The following ME1 variants were observed in gnomAD, a reference collection of about 807,000 sequenced individuals.
ME1 encodes the protein NADP-dependent malic enzyme.
Under a neutral mutation model 66.4 loss-of-function variants are expected in ME1, and 74 were observed. The observed-to-expected ratio is 1.11, with a 90% CI of 0.92 to 1.35. ME1 has a LOEUF of 1.35. ME1 is among the 40% of genes most tolerant of loss of function. ME1 has a pLI of 0.00. For synonymous variants in ME1, 251 were observed against 235.6 expected (o/e 1.07, Z -0.60); for missense variants, 750 against 694.1 (o/e 1.08, Z -0.90).
intron 7 of ME1, among the ~76,000 whole-genome samples, chr6:83,247,155 T>C (rs1217322465): frequency 1.3e-5 from 2 of 152,142 alleles, no homozygotes; most frequent in African/African-American, 2.4e-5. Flanking sequence ...TGGCAAAAAT[T>C]TCTATGTGCA....
intron 3 of ME1, among the ~76,000 whole-genome samples, chr6:83,368,605 T>C (rs542145086): frequency 1.2e-4 from 19 of 152,272 alleles, no homozygotes; most frequent in African/African-American, 4.6e-4. Flanking sequence ...TGTTATCATA[T>C]AATAAATTAA....
intron 2 of ME1, 140 bp downstream of exon 2, chr6:83,407,628 C>G: frequency 1.2e-6 from 1 of 837,176 alleles, no homozygotes; most frequent in South Asian, 2.3e-5. Context: ...TTAAAAACAT[C>G]ATTGTGTTTA....
chr6:83,384,221 G>A (rs1017047477), intron 3 of ME1, among the ~76,000 whole-genome samples: 5 of 151,872 alleles, frequency 3.3e-5, no homozygotes, highest in African/African-American at 1.2e-4. Context: ...TGGTAGTTCA[G>A]TTTTCAGTTA....
chr6:83,423,545 T>C (rs1770311834), intron 1 of ME1, among the ~76,000 whole-genome samples: 2 of 152,120 alleles, frequency 1.3e-5, no homozygotes, highest in South Asian at 4.1e-4. Flanking sequence ...AAATCTGTAA[T>C]CCCAGCACTT....
intron 5 of ME1, among the ~76,000 whole-genome samples, chr6:83,327,411 T>C (rs1768317064): frequency 6.6e-6 from 1 of 152,198 alleles, no homozygotes; most frequent in Non-Finnish European, 1.5e-5. Context: ...CAGCATGGAA[T>C]ATCCCTGAGA....
At chr6:83,359,944 G>A (rs1768976984) in intron 3 of ME1, among the ~76,000 whole-genome samples, 1 of 152,214 alleles carries the variant, frequency 6.6e-6, no homozygotes, top group Non-Finnish European at 1.5e-5. Flanking sequence ...GGTGGGTGGA[G>A]CTACCGTAAT....
chr6:83,299,626 T>C (rs189644842), intron 6 of ME1, among the ~76,000 whole-genome samples: 3 of 152,322 alleles, frequency 2.0e-5, no homozygotes, highest in Admixed American at 2.0e-4. Context: ...GGCCAGAACT[T>C]TCAATACTAA....
intron 5 of ME1, among the ~76,000 whole-genome samples, chr6:83,345,151 C>G (rs1326303041): frequency 1.3e-5 from 2 of 152,078 alleles, no homozygotes; most frequent in African/African-American, 4.8e-5. Flanking sequence ...AGGTACACAC[C>G]ACCTCTCCTG....
chr6:83,239,684 C>A (rs758100516), intron 7 of ME1, 48 bp from the exon 8 acceptor site: 1 of 1,331,166 alleles, frequency 7.5e-7, no homozygotes, highest in Non-Finnish European at 1.1e-6. Flanking sequence ...ACAGATCCTG[C>A]CAATTTTCAA....
At chr6:83,284,001 AG>A (rs1162705733) in intron 6 of ME1, among the ~76,000 whole-genome samples, 16 of 152,206 alleles carry the variant, frequency 1.1e-4, no homozygotes, top group African/African-American at 2.7e-4. Context: ...TAGATTAACA[AG>A]GAAAAAGCAA....
At chr6:83,332,424 G>T (rs1219232599) in intron 5 of ME1, among the ~76,000 whole-genome samples, 2 of 152,114 alleles carry the variant, frequency 1.3e-5, no homozygotes, top group South Asian at 2.1e-4. Context: ...CAAAGGAAAA[G>T]AAGCCATTAT....
intron 9 of ME1, among the ~76,000 whole-genome samples, chr6:83,233,215 T>C (rs1790335896): frequency 6.6e-6 from 1 of 152,142 alleles, no homozygotes; most frequent in Non-Finnish European, 1.5e-5. Context: ...CTGTCTTTAT[T>C]CTTACTTTAA....
chr6:83,411,758 T>C (rs1372687358), intron 1 of ME1, among the ~76,000 whole-genome samples: 2 of 152,204 alleles, frequency 1.3e-5, no homozygotes, highest in Admixed American at 6.5e-5. Context: ...TCTATATAGA[T>C]ATATTAGGTT....
At chr6:83,425,522 G>A (rs75202717) in intron 1 of ME1, among the ~76,000 whole-genome samples, 2 of 151,976 alleles carry the variant, frequency 1.3e-5, no homozygotes, top group Non-Finnish European at 2.9e-5. Flanking sequence ...TGAGCAAAAG[G>A]GGGGAAAGCC....
chr6:83,285,142 G>A (rs1192012599), intron 6 of ME1, among the ~76,000 whole-genome samples: 3 of 152,026 alleles, frequency 2.0e-5, no homozygotes, highest in African/African-American at 7.2e-5. Context: ...TGATTAATAC[G>A]ACAACCTTAA....
intron 6 of ME1, among the ~76,000 whole-genome samples, chr6:83,298,947 T>G (rs1337711158): frequency 3.3e-5 from 3 of 92,064 alleles, no homozygotes; most frequent in Admixed American, 1.3e-4. Context: ...TTTTTTTTTT[T>G]TTTTTTTTTT....
At chr6:83,224,113 T>A (rs547377360) in intron 11 of ME1, among the ~76,000 whole-genome samples, 180 bp from the exon 12 acceptor site, 1 of 152,184 alleles carries the variant, frequency 6.6e-6, no homozygotes, top group African/African-American at 2.4e-5. Flanking sequence ...AGTTCTGGAA[T>A]GGGTGATTAT....
In ME1 at chr6:83,376,804, C is replaced by CAAAAAAAAAAAAAAAAAAAAAAAAAAA. The variant is rs70987750; in HGVS notation, c.362+21562_362+21563insTTTTTTTTTTTTTTTTTTTTTTTTTTT. On this transcript the variant is annotated intron_variant, in intron 3 of 13. Transcript: ENST00000369705. ...GGCGACAGAACCAGACCCTGTCTCA[C>CAAAAAAAAAAAAAAAAAAAAAAAAAAA]AAAAAAAAAAAAAAAATTCAAAAAA... 9.0e-4 allele frequency among the ~76,000 whole-genome samples: 78 copies of CAAAAAAAAAAAAAAAAAAAAAAAAAAA among 87,038 alleles called. 1 individual carries two copies. The highest frequency in any genetic ancestry group is 2.8e-3 in the African/African-American group (71 of 25,578). 57.1% of individuals were successfully genotyped at this position (87,038 alleles called of 152,430 possible).
At chr6:83,405,701 GT>G (rs1251931728) in intron 2 of ME1, among the ~76,000 whole-genome samples, 2 of 141,412 alleles carry the variant, frequency 1.4e-5, no homozygotes, top group Non-Finnish European at 3.0e-5. Flanking sequence ...TTTATTGAGA[GT>G]TTTTTTTGTT....
Sources: gnomAD v4.1 joint callset for allele counts (sites outside exome capture counted in the v4.1 genomes callset) on GRCh38, gnomAD v4.1.1 for gene constraint, MANE v1.5 for transcripts, NCBI Gene and HGNC (gene_info 2026-07-23, HGNC 2026-07-21) for gene names.